The following AGPS variants were observed in gnomAD, a reference collection of about 807,000 sequenced individuals.
AGPS encodes alkylglycerone phosphate synthase.
AGPS carries 26 observed loss-of-function variants against 90.7 expected under a neutral mutation model. The observed-to-expected ratio is 0.29, with a 90% confidence interval of 0.21 to 0.40. The LOEUF is 0.40. AGPS is among the 10% of genes least tolerant of loss of function. The pLI is 1.00. For synonymous variants in AGPS, 294 were observed against 285.3 expected, an observed-to-expected ratio of 1.03 and a Z score of -0.31; for missense variants, 540 against 816.1, an observed-to-expected ratio of 0.66 and a Z score of 4.12.
chr2:177,475,426 CTG>C (rs891985502), intron 10 of AGPS, among the ~76,000 whole-genome samples: 2 of 152,162 alleles, frequency 1.3e-5, no homozygotes, highest in Admixed American at 1.3e-4. Context: ...CAGAAAGAAA[CTG>C]TATCTTTTAG....
chr2:177,440,403 A>G (rs1220806521), intron 5 of AGPS, among the ~76,000 whole-genome samples: 1 of 152,120 alleles, frequency 6.6e-6, no homozygotes, highest in Non-Finnish European at 1.5e-5. Context: ...TACTCCCAAA[A>G]TATATAACCT....
At position 177,513,171 on chromosome 2, in the gene AGPS, T is replaced by A. The variant is rs564356564; in HGVS notation, c.1608-648T>A. 7.9e-4 allele frequency among the ~76,000 whole-genome samples: 121 copies of A among 152,258 alleles called. 1 individual carries two copies. The highest frequency in any genetic ancestry group is 2.9e-3 in the African/African-American group (120 of 41,560). The stretch of plus-strand genomic sequence containing the variant: ...GTGCAGTGGCGCAACCATGGCTCAC[T>A]GTAGTCCTGCCCTCCTGGGCTCCAG... On this transcript the variant is annotated intron_variant, in intron 16 of 19. Coordinates refer to ENST00000264167, the MANE Select transcript of AGPS (RefSeq NM_003659.4).
At chr2:177,448,099 G>A (rs1443504063) in intron 8 of AGPS, among the ~76,000 whole-genome samples, 3 of 151,560 alleles carry the variant, frequency 2.0e-5, no homozygotes, top group African/African-American at 7.3e-5. Context: ...TTCTGCTTAG[G>A]CACATCATCA....
At chr2:177,394,080 A>T (rs995125785) in intron 1 of AGPS, among the ~76,000 whole-genome samples, 1 of 152,226 alleles carries the variant, frequency 6.6e-6, no homozygotes, top group Non-Finnish European at 1.5e-5. Context: ...ATTTGAAAGC[A>T]CATCAAATTG....
chr2:177,408,940 G>A (rs1380911776), intron 1 of AGPS, among the ~76,000 whole-genome samples: 2 of 152,182 alleles, frequency 1.3e-5, no homozygotes, highest in East Asian at 3.9e-4. Context: ...ATCATGGGCT[G>A]GGTCTAGGGT....
At chr2:177,494,143 A>T (rs1688346864) in intron 12 of AGPS, among the ~76,000 whole-genome samples, 1 of 152,196 alleles carries the variant, frequency 6.6e-6, no homozygotes, top group Admixed American at 6.5e-5. Flanking sequence ...CATGAGAGTG[A>T]TCGTTCAGTA....
chr2:177,503,161 G>T (rs1390018904), intron 14 of AGPS, among the ~76,000 whole-genome samples: 1 of 151,974 alleles, frequency 6.6e-6, no homozygotes, highest in African/African-American at 2.4e-5. Flanking sequence ...CCCCAACATA[G>T]TTCAATACCT....
chr2:177,507,938 G>A (rs770772197), intron 15 of AGPS, 32 bp from the exon 16 acceptor site: 5 of 1,474,596 alleles, frequency 3.4e-6, no homozygotes, highest in Non-Finnish European at 4.7e-6. Context: ...ATCTGTTGTA[G>A]TTTCTTGATT....
chr2:177,426,511 A>G (rs1274110160), intron 2 of AGPS, among the ~76,000 whole-genome samples: 1 of 152,214 alleles, frequency 6.6e-6, no homozygotes, highest in African/African-American at 2.4e-5. Context: ...TCATTCTGGT[A>G]TAATATTGAC....
At chr2:177,393,106 G>T (rs983621455) in intron 1 of AGPS, 57 bp downstream of exon 1, 4 of 1,550,108 alleles carry the variant, frequency 2.6e-6, no homozygotes, top group Non-Finnish European at 3.5e-6. Flanking sequence ...GGCCTGTGCT[G>T]CAGGAGGGCA....
chr2:177,499,150 A>G (rs1688487552), intron 13 of AGPS, among the ~76,000 whole-genome samples: 1 of 151,694 alleles, frequency 6.6e-6, no homozygotes, highest in Non-Finnish European at 1.5e-5. Flanking sequence ...TCTTTTTAAG[A>G]TTGTTAGATA....
At chr2:177,477,494 A>G (rs2105687910) in intron 10 of AGPS, among the ~76,000 whole-genome samples, 1 of 152,186 alleles carries the variant, frequency 6.6e-6, no homozygotes, top group East Asian at 1.9e-4. Flanking sequence ...TTGATCACTG[A>G]CTTGACACTC....
intron 8 of AGPS, among the ~76,000 whole-genome samples, chr2:177,447,300 A>G (rs771753524): frequency 6.6e-6 from 1 of 152,172 alleles, no homozygotes; most frequent in Non-Finnish European, 1.5e-5. Context: ...AGTCAGATGC[A>G]GATAACTGGA....
At chr2:177,504,322 AGG>A (rs1553517441) in intron 14 of AGPS, among the ~76,000 whole-genome samples, 3 of 151,812 alleles carry the variant, frequency 2.0e-5, no homozygotes, top group African/African-American at 7.2e-5. Flanking sequence ...TGAAACTTGG[AGG>A]CTTTCTACCT....
chr2:177,485,242 T>C (rs1468983929), intron 11 of AGPS, among the ~76,000 whole-genome samples: 1 of 152,212 alleles, frequency 6.6e-6, no homozygotes, highest in African/African-American at 2.4e-5. Context: ...AAGCTTTTGA[T>C]TAGATGTGTG....
In AGPS at chr2:177,525,836, A is replaced by C. The variant is rs181255109; in HGVS notation, c.1855+2031A>C. On this transcript the variant is annotated intron_variant, in intron 19 of 19. Transcript: ENST00000264167. ...TCTTTAGGGTCTATGAGGAAATTCA[A>C]GTCCCTCTAATAGTGTCTATTTGTA... is the stretch of plus-strand genomic sequence containing the variant. Among the ~76,000 whole-genome samples the C allele has an allele frequency of 1.6e-4, 25 of 152,360 alleles. No homozygotes were observed. The East Asian group carries it at 4.6e-3, about 28-fold the overall frequency.
intron 10 of AGPS, among the ~76,000 whole-genome samples, chr2:177,478,758 C>A (rs751205242): frequency 3.3e-5 from 5 of 151,868 alleles, no homozygotes; most frequent in East Asian, 1.9e-4. Flanking sequence ...CCAGAATAAT[C>A]CAATCAAATT....
rs1434804172 is a variant in AGPS, at chr2:177,540,107, GA to G, written c.*1913del. ...TATATATATATATGTATATGTTTCT[GA>G]GTAATTTTTAAAAAATAAAACAGGT... On this transcript the variant is annotated 3_prime_UTR_variant, in exon 20 of 20. Transcript: ENST00000264167. 1.3e-5 allele frequency: 2 copies of G among 148,702 alleles called. No homozygotes were observed. The highest frequency in any genetic ancestry group is 2.5e-5 in the African/African-American group (1 of 40,574). 9.2% of individuals were successfully genotyped at this position (148,702 alleles called of 1,614,324 possible).
chr2:177,414,956 TTATA>T (rs1425625530), intron 1 of AGPS, among the ~76,000 whole-genome samples: 1 of 149,088 alleles, frequency 6.7e-6, no homozygotes, highest in Non-Finnish European at 1.5e-5. Context: ...GATGAATGCA[TTATA>T]AATAATATAT....
Sources: allele counts gnomAD v4.1 joint callset (sites outside exome capture counted in the v4.1 genomes callset), GRCh38; gene constraint gnomAD v4.1.1; transcripts MANE v1.5; gene names NCBI Gene and HGNC (gene_info 2026-07-23, HGNC 2026-07-21).